COMMD1: variants seen among roughly 807,000 people sequenced by gnomAD.
COMMD1 encodes the protein copper metabolism domain containing 1, also known as COMM domain-containing protein 1.
COMMD1 carries 10 observed loss-of-function variants against 17.2 expected under a neutral mutation model. The observed-to-expected ratio is 0.58, with a 90% CI of 0.36 to 0.99. The LOEUF (loss-of-function observed/expected upper bound fraction) is 0.99, where lower values mean the gene tolerates loss of function less well. Among genes scored for constraint, COMMD1 ranks in the 50% least tolerant of loss-of-function variants. The pLI, the probability that COMMD1 is intolerant of heterozygous loss-of-function variation, is 0.01. For missense variants in COMMD1, 270 were observed against 231.8 expected, an observed-to-expected ratio of 1.17 and a Z score of -1.07; for synonymous variants, 97 against 91.6, an observed-to-expected ratio of 1.06 and a Z score of -0.34.
At chr2:62,053,784 T>G (rs1333507883) in intron 2 of COMMD1, among the ~76,000 whole-genome samples, 1 of 152,198 alleles carries the variant, frequency 6.6e-6, no homozygotes, top group Non-Finnish European at 1.5e-5. Flanking sequence ...CATGGAGTAT[T>G]TACATATGGC....
intron 2 of COMMD1, among the ~76,000 whole-genome samples, chr2:62,067,238 G>GA (rs954659484): frequency 1.3e-4 from 20 of 148,748 alleles, no homozygotes; most frequent in African/African-American, 3.9e-4. Flanking sequence ...AAAAAAAAAG[G>GA]AAAAAAAAAA....
intron 2 of COMMD1, among the ~76,000 whole-genome samples, chr2:62,113,610 C>T (rs147044329): frequency 0.051 from 7,687 of 152,196 alleles, 667 homozygotes; most frequent in African/African-American, 0.18. Flanking sequence ...TCTCCAACTC[C>T]TGACCTCAGG....
chr2:61,970,028 A>T (rs923728904), intron 1 of COMMD1, among the ~76,000 whole-genome samples: 2 of 152,092 alleles, frequency 1.3e-5, no homozygotes, highest in African/African-American at 4.8e-5. Context: ...AGGCCAAGGT[A>T]GGTGGATCAC....
At chr2:61,972,130 C>G (rs13032415) in intron 1 of COMMD1, among the ~76,000 whole-genome samples, 1 of 151,690 alleles carries the variant, frequency 6.6e-6, no homozygotes, top group Non-Finnish European at 1.5e-5. Context: ...AAAAAACAAA[C>G]AAAAAAACTG....
intron 1 of COMMD1, among the ~76,000 whole-genome samples, chr2:61,974,380 A>G (rs570420260): frequency 1.3e-5 from 2 of 151,904 alleles, no homozygotes; most frequent in East Asian, 3.9e-4. Context: ...TTTATCTATT[A>G]ATATTTTTTT....
At chr2:61,957,334 G>A (rs889122331) in intron 1 of COMMD1, among the ~76,000 whole-genome samples, 1 of 151,954 alleles carries the variant, frequency 6.6e-6, no homozygotes, top group African/African-American at 2.4e-5. Flanking sequence ...GACATATTTT[G>A]GGGTAGCACT....
intron 2 of COMMD1, among the ~76,000 whole-genome samples, chr2:62,053,193 G>A (rs79441917): frequency 0.015 from 2,330 of 152,252 alleles, 60 homozygotes; most frequent in African/African-American, 0.053. Context: ...AGAGGAAGAT[G>A]AGTGTAGGAG....
upstream of COMMD1, chr2:61,888,631 G>A (rs377594655): frequency 1.4e-5 from 17 of 1,207,000 alleles, no homozygotes; most frequent in East Asian, 5.5e-5. Context: ...CGGCGCCGGC[G>A]TCGGGAGGAG....
intron 2 of COMMD1, among the ~76,000 whole-genome samples, chr2:62,060,057 G>A (rs759787746): frequency 3.3e-5 from 5 of 152,104 alleles, no homozygotes; most frequent in Admixed American, 6.6e-5. Context: ...TGCCTGGGGC[G>A]GTGGCTCATG....
At chr2:61,997,082 C>G (rs570768138) in intron 1 of COMMD1, among the ~76,000 whole-genome samples, 1 of 145,722 alleles carries the variant, frequency 6.9e-6, no homozygotes, top group African/African-American at 2.6e-5. Context: ...TCTTTTTAGA[C>G]AGGGTCTTGC....
At chr2:62,080,957 A>G (rs1003953674) in intron 2 of COMMD1, among the ~76,000 whole-genome samples, 2 of 152,052 alleles carry the variant, frequency 1.3e-5, no homozygotes, top group Non-Finnish European at 2.9e-5. Flanking sequence ...GGTTCTGTTA[A>G]TGACATTTAA....
intron 2 of COMMD1, among the ~76,000 whole-genome samples, chr2:62,047,818 A>G (rs548635461): frequency 2.6e-5 from 4 of 152,146 alleles, no homozygotes; most frequent in African/African-American, 7.2e-5. Flanking sequence ...TATTTTTTGT[A>G]TTTTTATACT....
intron 2 of COMMD1, among the ~76,000 whole-genome samples, chr2:62,003,402 G>A (rs574603923): frequency 6.6e-5 from 10 of 150,426 alleles, no homozygotes; most frequent in African/African-American, 1.7e-4. Context: ...TTAGCCGGGC[G>A]TGGTGGCGGG....
At chr2:61,891,177 A>G (rs572859164) in intron 1 of COMMD1, among the ~76,000 whole-genome samples, 2 of 152,336 alleles carry the variant, frequency 1.3e-5, no homozygotes, top group African/African-American at 4.8e-5. Flanking sequence ...TACTAGTTCT[A>G]CCAGTGTAAG....
intron 1 of COMMD1, among the ~76,000 whole-genome samples, chr2:61,949,992 A>G (rs1220669881): frequency 6.6e-6 from 1 of 152,244 alleles, no homozygotes; most frequent in Non-Finnish European, 1.5e-5. Flanking sequence ...TGAAACAAAC[A>G]GGACACTATG....
At chr2:61,893,479 G>A (rs750157758) in intron 1 of COMMD1, among the ~76,000 whole-genome samples, 1 of 151,584 alleles carries the variant, frequency 6.6e-6, no homozygotes, top group Non-Finnish European at 1.5e-5. Flanking sequence ...GTTTTCTATC[G>A]AAAAACAGGA....
At chr2:61,991,801 A>ATC (rs1672259618) in intron 1 of COMMD1, among the ~76,000 whole-genome samples, 2 of 152,200 alleles carry the variant, frequency 1.3e-5, no homozygotes, top group Admixed American at 6.5e-5. Context: ...GGGAGGCAGG[A>ATC]AGTTGTAAGA....
intron 2 of COMMD1, among the ~76,000 whole-genome samples, chr2:62,084,520 G>A (rs1031558958): frequency 6.6e-6 from 1 of 152,146 alleles, no homozygotes; most frequent in Non-Finnish European, 1.5e-5. Flanking sequence ...TGTTGTAGGG[G>A]TGGCAGAGGG....
intron 2 of COMMD1, among the ~76,000 whole-genome samples, chr2:62,022,448 C>CTTTT (rs747830662): frequency 2.9e-4 from 25 of 84,862 alleles, no homozygotes; most frequent in African/African-American, 5.4e-4. Context: ...ACCGGCGCTT[C>CTTTT]TTTTTTTTTT....
Sources: allele counts gnomAD v4.1 joint callset (sites outside exome capture counted in the v4.1 genomes callset), GRCh38; gene constraint gnomAD v4.1.1; transcripts MANE v1.5; gene names NCBI Gene and HGNC (gene_info 2026-07-23, HGNC 2026-07-21).